Variants in DIP2A observed in about 807,000 individuals in gnomAD.
DIP2A encodes disco-interacting protein 2 homolog A.
A neutral mutation model predicts 177.4 loss-of-function variants in DIP2A; 85 were observed. That is an observed-to-expected ratio of 0.48 (90% confidence interval 0.40 to 0.57). The LOEUF is 0.57. DIP2A is among the 20% of genes least tolerant of loss of function. The pLI, the probability that DIP2A is intolerant of heterozygous loss-of-function variation, is 0.00. For synonymous variants in DIP2A, 886 were observed against 881.8 expected, an observed-to-expected ratio of 1.00 and a Z score of -0.08; for missense variants, 1,791 against 2,100.2, an observed-to-expected ratio of 0.85 and a Z score of 2.88.
At chr21:46,468,101 T>C (rs1024461312) in intron 1 of DIP2A, among the ~76,000 whole-genome samples, 7 of 151,212 alleles carry the variant, frequency 4.6e-5, no homozygotes, top group African/African-American at 1.7e-4. Context: ...CCGCCTCTAC[T>C]AAATAAAAAA....
At chr21:46,468,900 T>C (rs2055103934) in intron 1 of DIP2A, among the ~76,000 whole-genome samples, 1 of 152,244 alleles carries the variant, frequency 6.6e-6, no homozygotes. Flanking sequence ...CCTAAAACTT[T>C]AAACATGCTT....
chr21:46,555,283 C>T (rs998604452), intron 28 of DIP2A, among the ~76,000 whole-genome samples: 52 of 152,256 alleles, frequency 3.4e-4, no homozygotes, highest in African/African-American at 1.2e-3. Context: ...CTCCAGCATC[C>T]CTGTCCCCAT....
chr21:46,557,449 A>C lies in DIP2A; in HGVS notation c.3630-136A>C, dbSNP rs905382104. ...CACCCTGTGGCATGTTTTCCACCAA[A>C]CCCCCCCACTTGGCGTCAGAACAGA... On this transcript the variant is annotated intron_variant, in intron 30 of 37. Coordinates refer to ENST00000417564, the MANE Select transcript of DIP2A (RefSeq NM_015151.4). The surrounding 1 kb of genome is among the most constrained non-coding windows in gnomAD (Gnocchi z 6.0). 63 of 1,120,774 alleles carry C rather than the reference A, an allele frequency of 5.6e-5. No individual in the cohort carries two copies. The highest frequency in any genetic ancestry group is 6.2e-5 in the Non-Finnish European group (50 of 809,320). 69.4% of individuals were successfully genotyped at this position (1,120,774 alleles called of 1,614,324 possible).
At chr21:46,461,047 T>C (rs1184000058) in intron 1 of DIP2A, among the ~76,000 whole-genome samples, 1 of 151,546 alleles carries the variant, frequency 6.6e-6, no homozygotes, top group Non-Finnish European at 1.5e-5. Context: ...TGGCTCATGC[T>C]TGTAATCCCA....
the DIP2A span, among the ~76,000 whole-genome samples, chr21:46,576,030 G>C: frequency 6.6e-6 from 1 of 151,998 alleles, no homozygotes; most frequent in East Asian, 1.9e-4. Flanking sequence ...GCAAAATAAG[G>C]ACATTCTTAG....
chr21:46,547,270 T>C (rs2060091191), intron 21 of DIP2A: 1 of 1,266,818 alleles, frequency 7.9e-7, no homozygotes, highest in East Asian at 3.4e-5. Flanking sequence ...AATAAGGTTT[T>C]GATGTAAAAT....
chr21:46,459,911 A>G (rs1251283071), intron 1 of DIP2A, among the ~76,000 whole-genome samples: 1 of 151,736 alleles, frequency 6.6e-6, no homozygotes, highest in Non-Finnish European at 1.5e-5. Flanking sequence ...TTTTGCCCCA[A>G]GCTGTGAGCC....
At chr21:46,576,438 T>C in the DIP2A span, among the ~76,000 whole-genome samples, 1 of 152,220 alleles carries the variant, frequency 6.6e-6, no homozygotes, top group South Asian at 2.1e-4. Flanking sequence ...TCCATCTCCC[T>C]GCAGAGAACA....
chr21:46,534,025 T>A lies in DIP2A; in HGVS notation c.1451T>A (p.Leu484Gln). The A allele has an allele frequency of 6.2e-7, 1 of 1,613,668 alleles. No individual in the cohort carries two copies. Among genetic ancestry groups the A allele is most frequent in the South Asian group, 1.1e-5 (1 of 91,004 alleles). The change falls in exon 12 of 38, where the codon CTA becomes CAA. Residue 484 changes from leucine to glutamine, a missense_variant. Transcript: ENST00000417564. ...AFKGWPPLSWLVIDGKHLAKP... is the reference protein window; with the variant it reads ...AFKGWPPLSWQVIDGKHLAKP... Reference sequence around the variant, plus strand: ...ACAGGTTGGCCCCCGCTCTCCTGGCTAGTGATTGATGGGAAGCATCTAGCC... The same window carrying A: ...ACAGGTTGGCCCCCGCTCTCCTGGCAAGTGATTGATGGGAAGCATCTAGCC...
chr21:46,551,624 C>A lies in DIP2A; in HGVS notation c.2840-10C>A, dbSNP rs1212151051. 6.2e-7 allele frequency: 1 copy of A among 1,611,718 alleles called. No homozygotes were observed. Among genetic ancestry groups the A allele is most frequent in the Admixed American group, 1.7e-5 (1 of 59,886 alleles). Reference sequence around the variant, plus strand: ...CACCAGCTTTTCATTCAGAGTTCCCCCGTTTCTAGAGGTTGGACCAGCCTC... The same window carrying A: ...CACCAGCTTTTCATTCAGAGTTCCCACGTTTCTAGAGGTTGGACCAGCCTC... On this transcript the variant is annotated splice_polypyrimidine_tract_variant and intron_variant, in intron 23 of 37. Coordinates refer to ENST00000417564, the MANE Select transcript of DIP2A (RefSeq NM_015151.4).
rs771588980 is a variant in DIP2A at position 46,554,657 on chromosome 21, C to T, written c.3237C>T (p.Asn1079=). 37 of 1,586,714 alleles carry T rather than the reference C, an allele frequency of 2.3e-5. No homozygotes were observed. In the Admixed American group the frequency reaches 6.5e-4, roughly 28 times the overall value. ...PVTVRPPHPQ[N]LGTTLPTVKM... is the part of the protein sequence containing the mutation. ...CCGTGCGGCCCCCGCACCCTCAGAA[C>T]CTCGGCACCACACTGCCCACCGTCA... The change falls in exon 27 of 38, where the codon AAC becomes AAT. Residue 1079 remains asparagine (N), a synonymous_variant. Transcript: ENST00000417564.
intron 8 of DIP2A, among the ~76,000 whole-genome samples, chr21:46,514,636 T>G (rs2058479217): frequency 7.3e-6 from 1 of 137,590 alleles, no homozygotes; most frequent in Non-Finnish European, 1.6e-5. Flanking sequence ...TTTTTTTTTT[T>G]TTTTGGTTTT....
chr21:46,469,921 A>G lies in DIP2A; in HGVS notation c.91+10699A>G, dbSNP rs1214552478. 3.3e-5 allele frequency among the ~76,000 whole-genome samples: 5 copies of G among 152,280 alleles called. No homozygotes were observed. In the East Asian group the frequency reaches 9.6e-4, roughly 29 times the overall value. On this transcript the variant is annotated intron_variant, in intron 1 of 37. Transcript: ENST00000417564. ...TCATCAGGGCAGGTCAGGGGCCAGG[A>G]TACCTGTTCCATCTTTTGAAAAAAA...
intron 1 of DIP2A, among the ~76,000 whole-genome samples, chr21:46,481,024 A>G (rs767128343): frequency 6.6e-6 from 1 of 152,178 alleles, no homozygotes; most frequent in Admixed American, 6.5e-5. Context: ...ATGCCACTGC[A>G]CTCCAGCCTA....
At chr21:46,489,151 G>A (rs1429695621) in intron 2 of DIP2A, among the ~76,000 whole-genome samples, 2 of 152,204 alleles carry the variant, frequency 1.3e-5, no homozygotes, top group Non-Finnish European at 2.9e-5. Context: ...ATGTACATGT[G>A]TATGCTCACA....
At chr21:46,510,648 T>C (rs984595517) in intron 7 of DIP2A, among the ~76,000 whole-genome samples, 1 of 72,876 alleles carries the variant, frequency 1.4e-5, no homozygotes, top group Admixed American at 1.4e-4. Flanking sequence ...TTTTTTTTTT[T>C]GAGGCAGAGT....
intron 21 of DIP2A, among the ~76,000 whole-genome samples, chr21:46,548,789 T>C (rs2060160266): frequency 6.6e-6 from 1 of 152,174 alleles, no homozygotes; most frequent in African/African-American, 2.4e-5. Context: ...GTTGGGGTTC[T>C]CTGGACTGGG....
intron 18 of DIP2A, 107 bp from the exon 19 acceptor site, chr21:46,545,030 A>T: frequency 1.8e-6 from 2 of 1,115,898 alleles, no homozygotes; most frequent in Non-Finnish European, 2.5e-6. Flanking sequence ...GGTGCTGTGT[A>T]TATAACATCC....
chr21:46,472,934 C>T (rs920187685), intron 1 of DIP2A, among the ~76,000 whole-genome samples: 1 of 152,162 alleles, frequency 6.6e-6, no homozygotes, highest in Non-Finnish European at 1.5e-5. Flanking sequence ...ATGGTGGCCA[C>T]CAGCCACATG....
Sources: gnomAD v4.1 joint callset for allele counts (sites outside exome capture counted in the v4.1 genomes callset) on GRCh38, gnomAD v4.1.1 for gene constraint, Gnocchi (gnomAD v3.1) non-coding constraint, MANE v1.5 for transcripts, NCBI Gene and HGNC (gene_info 2026-07-23, HGNC 2026-07-21) for gene names.